SMCP: variants seen among roughly 807,000 people sequenced by gnomAD.
SMCP encodes the protein sperm mitochondria associated cysteine rich protein, also known as sperm mitochondrial-associated cysteine-rich protein.
For missense variants in SMCP, 137 were observed against 137.1 expected (o/e 1.00, Z 0.01); for synonymous variants, 41 against 46.9 (o/e 0.87, Z 0.51).
intron 1 of SMCP, among the ~76,000 whole-genome samples, chr1:152,879,220 T>C (rs1648961277): frequency 6.6e-6 from 1 of 152,142 alleles, no homozygotes; most frequent in Non-Finnish European, 1.5e-5. Context: ...ATTTGTTTGT[T>C]TCTTTTTATT....
chr1:152,884,162 A>G (rs1301882752), intron 1 of SMCP, among the ~76,000 whole-genome samples: 1 of 152,190 alleles, frequency 6.6e-6, no homozygotes, highest in African/African-American at 2.4e-5. Flanking sequence ...CATTGCTTAC[A>G]TATTCTGGTC....
intron 1 of SMCP, among the ~76,000 whole-genome samples, chr1:152,883,659 T>G (rs1487246727): frequency 6.6e-6 from 1 of 151,990 alleles, no homozygotes; most frequent in East Asian, 1.9e-4. Flanking sequence ...CCACTGCCCC[T>G]TTATAGAGGA....
intron 1 of SMCP, among the ~76,000 whole-genome samples, chr1:152,881,692 C>G (rs903998335): frequency 4.3e-5 from 4 of 92,718 alleles, no homozygotes; most frequent in African/African-American, 3.6e-4. Context: ...GAGACTCCGT[C>G]TCAAAAAAAA....
chr1:152,879,310 T>A (rs918722825), intron 1 of SMCP, among the ~76,000 whole-genome samples: 2 of 152,118 alleles, frequency 1.3e-5, no homozygotes, highest in African/African-American at 4.8e-5. Flanking sequence ...AACTTCTACC[T>A]CCCGGATTCA....
At chr1:152,883,879 C>T (rs1308270861) in intron 1 of SMCP, among the ~76,000 whole-genome samples, 1 of 152,196 alleles carries the variant, frequency 6.6e-6, no homozygotes, top group Non-Finnish European at 1.5e-5. Flanking sequence ...GCAAGAGTTT[C>T]ATTGCACCTG....
Position 152,884,412 on chromosome 1 carries a change from G to A in SMCP, c.-11G>A, listed in dbSNP as rs374700229. 3 of 1,613,636 alleles carry A rather than the reference G, an allele frequency of 1.9e-6. No homozygotes were observed. The highest frequency in any genetic ancestry group is 2.7e-5 in the African/African-American group (2 of 75,024). ...TATTTTCTTTTTCTAGTACCTCCAA[G>A]TGTTCAGAAGATGTGTGACCAGACA... On this transcript the variant is annotated 5_prime_UTR_variant, in exon 2 of 2. In the 5' UTR this introduces an upstream ATG that the reference lacks. Transcript: ENST00000368765.
intron 1 of SMCP, among the ~76,000 whole-genome samples, chr1:152,882,390 G>A (rs1649081646): frequency 6.6e-6 from 1 of 152,256 alleles, no homozygotes; most frequent in Admixed American, 6.5e-5. Flanking sequence ...TAAACATCAG[G>A]GAGAGTGTTT....
intron 1 of SMCP, among the ~76,000 whole-genome samples, chr1:152,882,412 G>A (rs750484804): frequency 6.6e-6 from 1 of 152,208 alleles, no homozygotes; most frequent in Non-Finnish European, 1.5e-5. Flanking sequence ...GAGCAGGGCT[G>A]TGGGGAAGCA....
At chr1:152,884,285 C>T (rs905399844) in intron 1 of SMCP, 118 bp from the exon 2 acceptor site, 1 of 915,832 alleles carries the variant, frequency 1.1e-6, no homozygotes, top group Non-Finnish European at 1.6e-6. Context: ...GCTCTGCTTT[C>T]TCAACCCTGG....
chr1:152,882,303 T>C (rs890312051), intron 1 of SMCP, among the ~76,000 whole-genome samples: 1 of 152,106 alleles, frequency 6.6e-6, no homozygotes, highest in Non-Finnish European at 1.5e-5. Context: ...TGAGGAGAGA[T>C]TTGTAGCTAC....
At chr1:152,882,512 G>C (rs1649085693) in intron 1 of SMCP, among the ~76,000 whole-genome samples, 1 of 152,156 alleles carries the variant, frequency 6.6e-6, no homozygotes, top group East Asian at 1.9e-4. Flanking sequence ...CCCCTACTAG[G>C]AGCTATTCAC....
Position 152,884,917 on chromosome 1 carries a change from C to T in SMCP, c.*144C>T. 3 of 719,250 alleles carry T rather than the reference C, an allele frequency of 4.2e-6. No homozygotes were observed. Among genetic ancestry groups the T allele is most frequent in the Non-Finnish European group, 6.9e-6 (3 of 431,732 alleles). The allele number at this position is 719,250 out of a possible 1,614,324, so 44.6% of individuals were successfully genotyped here. ...TACCATTTCCACCCAATGAGAGGCTCCTATTTCCCATCATAGCTCCCTACC... is the reference window on the plus strand; with the variant it reads ...TACCATTTCCACCCAATGAGAGGCTTCTATTTCCCATCATAGCTCCCTACC... On this transcript the variant is annotated 3_prime_UTR_variant, in exon 2 of 2. Transcript: ENST00000368765.
At chr1:152,883,030 G>A (rs1361691464) in intron 1 of SMCP, among the ~76,000 whole-genome samples, 1 of 152,226 alleles carries the variant, frequency 6.6e-6, no homozygotes, top group Non-Finnish European at 1.5e-5. Context: ...GGTGACAAGA[G>A]CGAAGCTCCA....
rs1471996006 is a variant in SMCP at position 152,880,158 on chromosome 1, A to G, written c.-21+1712A>G. 2.0e-5 allele frequency among the ~76,000 whole-genome samples: 3 copies of G among 152,100 alleles called. No individual in the cohort carries two copies. The East Asian group carries it at 5.8e-4, about 29-fold the overall frequency. ...AAAATAGCAAAAGGCAAAAATAAAC[A>G]CAGAGAGGAACAACAGAAAATAAAA... On this transcript the variant is annotated intron_variant, in intron 1 of 1. Coordinates refer to ENST00000368765, the MANE Select transcript of SMCP (RefSeq NM_030663.3).
chr1:152,884,460 C>T lies in SMCP; in HGVS notation c.38C>T (p.Ala13Val), dbSNP rs1476186505. 1 of 1,614,024 alleles carries T rather than the reference C, an allele frequency of 6.2e-7. No homozygotes were observed. The highest frequency in any genetic ancestry group is 1.1e-5 in the South Asian group (1 of 91,084). ...ACAAAACACAGTAAATGCTGCCCAGCAAAAGGCAATCAATGCTGCCCACCA... is the reference window on the plus strand; with the variant it reads ...ACAAAACACAGTAAATGCTGCCCAGTAAAAGGCAATCAATGCTGCCCACCA... ...DQTKHSKCCP[A>V]KGNQCCPPQQ... Residue 13 changes from alanine to valine, a missense_variant, in exon 2 of 2, where the codon GCA becomes GTA. Coordinates refer to ENST00000368765, the MANE Select transcript of SMCP (RefSeq NM_030663.3).
chr1:152,880,330 C>G (rs1361013633), intron 1 of SMCP, among the ~76,000 whole-genome samples: 3 of 152,194 alleles, frequency 2.0e-5, no homozygotes, highest in Admixed American at 2.0e-4. Flanking sequence ...CACTGTACAG[C>G]TGCAGGGGCA....
intron 1 of SMCP, among the ~76,000 whole-genome samples, chr1:152,883,322 C>T (rs1204137949): frequency 6.6e-6 from 1 of 152,204 alleles, no homozygotes; most frequent in African/African-American, 2.4e-5. Flanking sequence ...ACAACCTGCT[C>T]ACTGTCTGCT....
At position 152,882,017 on chromosome 1, in the gene SMCP, C is replaced by T. The variant is rs61500027; in HGVS notation, c.-20-2386C>T. On this transcript the variant is annotated intron_variant, in intron 1 of 1. Coordinates refer to ENST00000368765, the MANE Select transcript of SMCP (RefSeq NM_030663.3). ...TGAGATGGAGTTTTGCTCTTCTTGC[C>T]AAGGCTGGAGTGCAATGGCACGATC... Among the ~76,000 whole-genome samples the T allele has an allele frequency of 6.5e-3, 994 of 152,130 alleles. 11 individuals are homozygous for T. Among genetic ancestry groups the T allele is most frequent in the African/African-American group, 0.022 (930 of 41,502 alleles).
chr1:152,881,842 G>C (rs1350841198), intron 1 of SMCP, among the ~76,000 whole-genome samples: 4 of 152,250 alleles, frequency 2.6e-5, no homozygotes, highest in Non-Finnish European at 5.9e-5. Context: ...TCTTCACATA[G>C]TGGTGGGAGA....
Sources: allele counts gnomAD v4.1 joint callset (sites outside exome capture counted in the v4.1 genomes callset), GRCh38; gene constraint gnomAD v4.1.1; transcripts MANE v1.5; gene names NCBI Gene and HGNC (gene_info 2026-07-23, HGNC 2026-07-21).